Variants in BAIAP2L1 observed in about 807,000 individuals in gnomAD.
BAIAP2L1 encodes BAR/IMD domain-containing adapter protein 2-like 1.
BAIAP2L1 carries 35 observed loss-of-function variants against 66.3 expected under a neutral mutation model. That is an observed-to-expected ratio of 0.53 (90% CI 0.40 to 0.70). BAIAP2L1 has a LOEUF of 0.70. BAIAP2L1 is among the 30% of genes least tolerant of loss of function. The pLI is 0.00. For missense variants in BAIAP2L1, 622 were observed against 656.9 expected (o/e 0.95, Z 0.58); for synonymous variants, 269 against 248.7 (o/e 1.08, Z -0.77).
chr7:98,299,111 G>A (rs1222515633), intron 12 of BAIAP2L1, among the ~76,000 whole-genome samples: 1 of 152,084 alleles, frequency 6.6e-6, no homozygotes, highest in Non-Finnish European at 1.5e-5. Flanking sequence ...TGCCTCCCGG[G>A]TTCAACTGAT....
chr7:98,334,548 G>A (rs1027224314), intron 3 of BAIAP2L1, among the ~76,000 whole-genome samples: 1 of 151,896 alleles, frequency 6.6e-6, no homozygotes, highest in Non-Finnish European at 1.5e-5. Context: ...CTCATTAAGG[G>A]GTTTTTGTTT....
intron 1 of BAIAP2L1, among the ~76,000 whole-genome samples, chr7:98,378,590 C>T (rs528528203): frequency 6.6e-6 from 1 of 152,310 alleles, no homozygotes. Context: ...AAGATATTCC[C>T]TGTTTACTCT....
intron 7 of BAIAP2L1, among the ~76,000 whole-genome samples, chr7:98,314,558 C>T (rs901388149): frequency 4.6e-5 from 7 of 152,160 alleles, no homozygotes; most frequent in African/African-American, 1.7e-4. Flanking sequence ...CATCATGATT[C>T]CTGGGGGTTC....
chr7:98,294,182 G>A, intron 12 of BAIAP2L1, 71 bp from the exon 13 acceptor site: 1 of 1,523,236 alleles, frequency 6.6e-7, no homozygotes. Context: ...AGGTAGAGAT[G>A]GGGATTTGCT....
intron 1 of BAIAP2L1, among the ~76,000 whole-genome samples, chr7:98,378,113 C>T (rs1243492219): frequency 1.3e-5 from 2 of 151,968 alleles, no homozygotes; most frequent in African/African-American, 2.4e-5. Context: ...TGTGCCATTG[C>T]ACTCCAGCCT....
intron 2 of BAIAP2L1, chr7:98,355,400 G>C (rs1802096033): frequency 2.1e-6 from 1 of 467,436 alleles, no homozygotes; most frequent in Non-Finnish European, 3.9e-6. Flanking sequence ...GGCTCAGCTT[G>C]CTCCTGATGC....
At chr7:98,320,677 C>G (rs1801217193) in intron 3 of BAIAP2L1, among the ~76,000 whole-genome samples, 1 of 152,092 alleles carries the variant, frequency 6.6e-6, no homozygotes, top group African/African-American at 2.4e-5. Flanking sequence ...TGAAACAGAA[C>G]AGGGAAACAC....
rs528284650 is a variant in BAIAP2L1, at chr7:98,359,753, T to G, written c.127+2604A>C. On this transcript the variant is annotated intron_variant, in intron 2 of 13. Transcript: ENST00000005260. The stretch of plus-strand genomic sequence containing the variant: ...TTCACCTGTAGACCTGGGTTTTTTT[T>G]TTTTTTTTTTTTTTTAATTTTTTTG... Among the ~76,000 whole-genome samples, 42 of 149,014 alleles carry G rather than the reference T, an allele frequency of 2.8e-4. 1 individual carries two copies. In the East Asian group the frequency reaches 6.9e-3, roughly 24 times the overall value.
At chr7:98,334,454 T>A (rs1211429366) in intron 3 of BAIAP2L1, among the ~76,000 whole-genome samples, 5 of 152,138 alleles carry the variant, frequency 3.3e-5, no homozygotes, top group Admixed American at 3.3e-4. Flanking sequence ...AACCTTTTAG[T>A]CCTAATAATA....
At chr7:98,361,366 A>AAAAAG (rs1340696246) in intron 2 of BAIAP2L1, among the ~76,000 whole-genome samples, 2 of 151,518 alleles carry the variant, frequency 1.3e-5, no homozygotes, top group Non-Finnish European at 2.9e-5. Context: ...GGGAAAAAAA[A>AAAAAG]AAAGAAAGAA....
At chr7:98,385,735 T>G (rs997998047) in intron 1 of BAIAP2L1, 18 of 1,199,916 alleles carry the variant, frequency 1.5e-5, no homozygotes, top group Non-Finnish European at 2.1e-5. Context: ...TTTCTTTTTT[T>G]TGTTGTTTTT....
At chr7:98,394,778 A>C (rs1803160544) in intron 1 of BAIAP2L1, among the ~76,000 whole-genome samples, 1 of 152,252 alleles carries the variant, frequency 6.6e-6, no homozygotes, top group Admixed American at 6.5e-5. Flanking sequence ...GTGAGCCAGA[A>C]CATTCATAAA....
intron 7 of BAIAP2L1, among the ~76,000 whole-genome samples, chr7:98,313,456 G>A (rs1015744033): frequency 1.3e-5 from 2 of 152,058 alleles, no homozygotes; most frequent in African/African-American, 4.8e-5. Flanking sequence ...AGAACCTCAA[G>A]GTCACCTCTG....
Position 98,297,102 on chromosome 7 carries a change from T to G in BAIAP2L1, c.1423-2991A>C, listed in dbSNP as rs1404952919. On this transcript the variant is annotated intron_variant, in intron 12 of 13. Coordinates refer to ENST00000005260, the MANE Select transcript of BAIAP2L1 (RefSeq NM_018842.5). ...CTAAGGCCACGAAACCAGCAGCCAC[T>G]ACGAGAGTGGTTGGGCTGCAACTGG... is the stretch of plus-strand genomic sequence containing the variant. Among the ~76,000 whole-genome samples the G allele has an allele frequency of 3.3e-5, 5 of 152,204 alleles. 1 individual carries two copies. Among genetic ancestry groups the G allele is most frequent in the African/African-American group, 1.2e-4 (5 of 41,454 alleles).
At chr7:98,327,158 T>G (rs1387314221) in intron 3 of BAIAP2L1, among the ~76,000 whole-genome samples, 3 of 152,022 alleles carry the variant, frequency 2.0e-5, no homozygotes, top group Non-Finnish European at 4.4e-5. Flanking sequence ...GTCAGGAGTT[T>G]GAGACCAACC....
At chr7:98,327,748 G>A (rs1801407245) in intron 3 of BAIAP2L1, among the ~76,000 whole-genome samples, 1 of 152,220 alleles carries the variant, frequency 6.6e-6, no homozygotes, top group Admixed American at 6.5e-5. Context: ...GTGGGTTCGT[G>A]CCTGTGCCAA....
chr7:98,375,758 A>C (rs1015460764), intron 1 of BAIAP2L1, among the ~76,000 whole-genome samples: 1 of 151,258 alleles, frequency 6.6e-6, no homozygotes. Flanking sequence ...AAAAAAAAAA[A>C]AAAAGAAAAG....
At chr7:98,384,801 C>T (rs564959306) in intron 1 of BAIAP2L1, among the ~76,000 whole-genome samples, 15 of 148,784 alleles carry the variant, frequency 1.0e-4, no homozygotes, top group Admixed American at 4.1e-4. Context: ...CAGGTTCAAG[C>T]GATTCTCCTG....
chr7:98,340,958 G>GT (rs1562776656), intron 3 of BAIAP2L1, among the ~76,000 whole-genome samples: 1,879 of 59,700 alleles, frequency 0.031, 46 homozygotes, highest in African/African-American at 0.12. Context: ...CCAGCTAATT[G>GT]GTTTTTTTTT....
Sources: gnomAD v4.1 joint callset for allele counts (sites outside exome capture counted in the v4.1 genomes callset) on GRCh38, gnomAD v4.1.1 for gene constraint, MANE v1.5 for transcripts, NCBI Gene and HGNC (gene_info 2026-07-23, HGNC 2026-07-21) for gene names.